Variants in ZNF292 observed in about 807,000 individuals in gnomAD.
The protein encoded by ZNF292 is zinc finger protein 292, also known as 16 zinc-finger domain protein.
In ZNF292, 26 loss-of-function variants were observed where a neutral mutation model predicts 217.9. The observed-to-expected ratio is 0.12, with a 90% CI of 0.09 to 0.17. ZNF292 has a LOEUF of 0.17. Ranked by LOEUF, ZNF292 falls within the 10% of genes least tolerant of loss-of-function variation. The pLI is 1.00. For synonymous variants in ZNF292, 1,257 were observed against 1,124.1 expected (o/e 1.12, Z -2.37); for missense variants, 2,904 against 3,175.2 (o/e 0.91, Z 2.05).
chr6:87,182,812 A>G (rs1464485607), intron 1 of ZNF292, among the ~76,000 whole-genome samples: 1 of 152,190 alleles, frequency 6.6e-6, no homozygotes, highest in Non-Finnish European at 1.5e-5. Flanking sequence ...TAAGTAAATT[A>G]TATTATTTTT....
At position 87,265,865 on chromosome 6, in the gene ZNF292, C is replaced by T. The variant is rs1446012217; in HGVS notation, c.*4064C>T. On this transcript the variant is annotated 3_prime_UTR_variant, in exon 8 of 8. Coordinates refer to ENST00000369577, the MANE Select transcript of ZNF292 (RefSeq NM_015021.3). ...TGGTTGTTAATGTTTTGAATATTAC[C>T]CGGTATTCAAGTAATGCTCATTGAA... is the stretch of plus-strand genomic sequence containing the variant. Among the ~76,000 whole-genome samples, 1 of 152,026 alleles carries T rather than the reference C, an allele frequency of 6.6e-6. No individual in the cohort carries two copies. Among genetic ancestry groups the T allele is most frequent in the Non-Finnish European group, 1.5e-5 (1 of 68,020 alleles).
At position 87,255,018 on chromosome 6, in the gene ZNF292, A is replaced by G. The variant is rs755003047; in HGVS notation, c.1389A>G (p.Glu463=). The G allele has an allele frequency of 1.1e-5, 18 of 1,613,760 alleles. No individual in the cohort carries two copies. The East Asian group carries it at 3.6e-4, about 32-fold the overall frequency. Reference sequence around the variant, plus strand: ...AATGTCTTGCATTAATGGGAGAAGAAGCATCCATTGTGTCTTCAATAGATG... The same window carrying G: ...AATGTCTTGCATTAATGGGAGAAGAGGCATCCATTGTGTCTTCAATAGATG... ...KRQCLALMGE[E]ASIVSSIDEL... The change falls in exon 8 of 8, where the codon GAA becomes GAG. Residue 463 remains glutamate, a synonymous_variant. Transcript: ENST00000369577.
Position 87,259,972 on chromosome 6 carries a change from C to A in ZNF292, c.6343C>A (p.Arg2115=). 3.7e-6 allele frequency: 6 copies of A among 1,613,594 alleles called. No individual in the cohort carries two copies. Among genetic ancestry groups the A allele is most frequent in the Non-Finnish European group, 5.1e-6 (6 of 1,179,674 alleles). Residue 2115 remains arginine, a synonymous_variant, in exon 8 of 8, where the codon CGA becomes AGA. Coordinates refer to ENST00000369577, the MANE Select transcript of ZNF292 (RefSeq NM_015021.3). ...AAGATACAGTCCTTACAGACCTTAT[C>A]GATGTGTTCACCAGGGATGCTTTGC... ...PTRYSPYRPY[R]CVHQGCFAAF...
intron 1 of ZNF292, among the ~76,000 whole-genome samples, chr6:87,199,889 A>G (rs1414922680): frequency 2.0e-5 from 3 of 152,200 alleles, no homozygotes; most frequent in Non-Finnish European, 4.4e-5. Flanking sequence ...TCACCTTTAA[A>G]GCTGGGTTTC....
At chr6:87,197,509 T>A (rs1271077028) in intron 1 of ZNF292, among the ~76,000 whole-genome samples, 1 of 144,808 alleles carries the variant, frequency 6.9e-6, no homozygotes, top group East Asian at 2.0e-4. Flanking sequence ...CCAAGGCGGG[T>A]GGATTACCTG....
At chr6:87,231,200 T>C (rs1773636855) in intron 4 of ZNF292, among the ~76,000 whole-genome samples, 1 of 152,226 alleles carries the variant, frequency 6.6e-6, no homozygotes, top group Non-Finnish European at 1.5e-5. Context: ...TAAACCACTT[T>C]TGATCCATTT....
intron 1 of ZNF292, among the ~76,000 whole-genome samples, chr6:87,188,345 A>T (rs1213669828): frequency 6.6e-6 from 1 of 152,318 alleles, no homozygotes; most frequent in East Asian, 1.9e-4. Flanking sequence ...CCTTGAGCAA[A>T]GAGAAATCGC....
At chr6:87,227,913 C>T (rs1370279285) in intron 4 of ZNF292, among the ~76,000 whole-genome samples, 1 of 152,186 alleles carries the variant, frequency 6.6e-6, no homozygotes, top group African/African-American at 2.4e-5. Context: ...CATGGGCATA[C>T]AAACGCTTCT....
intron 7 of ZNF292, among the ~76,000 whole-genome samples, chr6:87,252,170 A>C (rs145828814): frequency 6.7e-6 from 1 of 148,462 alleles, no homozygotes; most frequent in East Asian, 2.0e-4. Flanking sequence ...GTTTTTTTTG[A>C]GACGTTGTTT....
rs1046324928 is a variant in ZNF292, at chr6:87,255,143, C to T, written c.1514C>T (p.Ser505Phe). 6.2e-7 allele frequency: 1 copy of T among 1,613,702 alleles called. No individual in the cohort carries two copies. Among genetic ancestry groups the T allele is most frequent in the Non-Finnish European group, 8.5e-7 (1 of 1,179,816 alleles). ...CTTTCTGGTGGAGTTGGTGCTAATT[C>T]TGGCCTTCTTAAAGACATTGGTGAT... ...NGLSGGVGAN[S>F]GLLKDIGDEK... Residue 505 changes from serine to phenylalanine, a missense_variant, in exon 8 of 8, where the codon TCT becomes TTT. Coordinates refer to ENST00000369577, the MANE Select transcript of ZNF292 (RefSeq NM_015021.3).
intron 1 of ZNF292, among the ~76,000 whole-genome samples, chr6:87,212,144 A>G (rs2127798459): frequency 6.6e-6 from 1 of 152,266 alleles, no homozygotes; most frequent in South Asian, 2.1e-4. Flanking sequence ...TACTATTACA[A>G]GGTATTATAA....
rs776916937 is a variant in ZNF292 at position 87,257,668 on chromosome 6, C to T, written c.4039C>T (p.Arg1347Cys). The T allele has an allele frequency of 8.1e-6, 13 of 1,610,710 alleles. No individual in the cohort carries two copies. In the African/African-American group the frequency reaches 9.4e-5, roughly 12 times the overall value. Residue 1347 changes from arginine (R) to cysteine (C), a missense_variant, in exon 8 of 8, where the codon CGT becomes TGT. Transcript: ENST00000369577. Reference sequence around the variant, plus strand: ...TGCACCTGAAAAAGTTAAAAAAGACCGTGGGCGGGGCCCAAATGGGAAGGA... The same window carrying T: ...TGCACCTGAAAAAGTTAAAAAAGACTGTGGGCGGGGCCCAAATGGGAAGGA... ...QSAPEKVKKDRGRGPNGKERK... is the reference protein window; with the variant it reads ...QSAPEKVKKDCGRGPNGKERK...
intron 6 of ZNF292, among the ~76,000 whole-genome samples, 178 bp downstream of exon 6, chr6:87,243,789 T>C (rs1774431932): frequency 6.6e-6 from 1 of 152,226 alleles, no homozygotes; most frequent in Admixed American, 6.5e-5. Context: ...CTCAAAACTT[T>C]GTGTATTAAA....
chr6:87,237,193 A>G (rs188988665), intron 5 of ZNF292, among the ~76,000 whole-genome samples: 2 of 152,282 alleles, frequency 1.3e-5, no homozygotes, highest in African/African-American at 2.4e-5. Flanking sequence ...TTTATTTTCT[A>G]TATGGAAAGC....
At chr6:87,205,632 C>G (rs1253415596) in intron 1 of ZNF292, among the ~76,000 whole-genome samples, 2 of 151,710 alleles carry the variant, frequency 1.3e-5, no homozygotes, top group African/African-American at 4.8e-5. Flanking sequence ...ATCTTTATTG[C>G]TCTTGTAGTT....
At chr6:87,180,770 C>G (rs1771448648) in intron 1 of ZNF292, among the ~76,000 whole-genome samples, 1 of 152,086 alleles carries the variant, frequency 6.6e-6, no homozygotes, top group Non-Finnish European at 1.5e-5. Context: ...GAGTGGGGAC[C>G]CTCTTCTAAG....
intron 1 of ZNF292, among the ~76,000 whole-genome samples, chr6:87,201,702 C>CCT (rs1772103316): frequency 6.6e-6 from 1 of 152,194 alleles, no homozygotes; most frequent in Non-Finnish European, 1.5e-5. Context: ...CCACACCCAG[C>CCT]CTCATCCTAA....
At position 87,258,956 on chromosome 6, in the gene ZNF292, G is replaced by C; in HGVS notation, c.5327G>C (p.Gly1776Ala). The C allele has an allele frequency of 1.2e-6, 2 of 1,612,942 alleles. No individual in the cohort carries two copies. The highest frequency in any genetic ancestry group is 4.5e-5 in the East Asian group (2 of 44,832). The change falls in exon 8 of 8, where the codon GGA becomes GCA. Residue 1776 changes from glycine to alanine, a missense_variant. Physicochemically the swap from Gly to Ala is moderately conservative, Grantham distance 60 (BLOSUM62 0). Transcript: ENST00000369577. ...MNSQILEVKS[G>A]SQGAGETSQN... Reference sequence around the variant, plus strand: ...TCTCAAATACTTGAGGTAAAAAGTGGATCTCAGGGTGCTGGTGAAACTTCA... The same window carrying C: ...TCTCAAATACTTGAGGTAAAAAGTGCATCTCAGGGTGCTGGTGAAACTTCA...
intron 1 of ZNF292, among the ~76,000 whole-genome samples, chr6:87,207,081 C>T (rs1240657437): frequency 1.3e-5 from 2 of 152,166 alleles, no homozygotes; most frequent in Middle Eastern, 3.2e-3. Context: ...ACTAAGGTAG[C>T]TGGTACATCT....
Sources: allele counts gnomAD v4.1 joint callset (sites outside exome capture counted in the v4.1 genomes callset), GRCh38; gene constraint gnomAD v4.1.1; transcripts MANE v1.5; gene names NCBI Gene and HGNC (gene_info 2026-07-23, HGNC 2026-07-21).